The following DLC1 variants were observed in gnomAD, a reference collection of about 807,000 sequenced individuals.
DLC1 encodes the protein rho GTPase-activating protein 7.
DLC1 carries 54 observed loss-of-function variants against 140.3 expected under a neutral mutation model. That is an observed-to-expected ratio of 0.38 (90% CI 0.31 to 0.48). The LOEUF is 0.48. Among genes scored for constraint, DLC1 ranks in the 20% least tolerant of loss-of-function variants. The probability of loss-of-function intolerance (pLI) is 0.96; values close to 1 mark genes in which losing one functional copy is unlikely to be tolerated. For synonymous variants in DLC1, 986 were observed against 728.1 expected (o/e 1.35, Z -5.70); for missense variants, 2,536 against 1,907.0 (o/e 1.33, Z -6.14).
chr8:13,226,798 T>C (rs1195504608), intron 5 of DLC1, among the ~76,000 whole-genome samples: 1 of 152,172 alleles, frequency 6.6e-6, no homozygotes, highest in Non-Finnish European at 1.5e-5. Flanking sequence ...CAGAGTAGCT[T>C]TGGGAGCCTG....
intron 7 of DLC1, among the ~76,000 whole-genome samples, chr8:13,107,333 G>T (rs1819650791): frequency 6.6e-6 from 1 of 152,132 alleles, no homozygotes; most frequent in African/African-American, 2.4e-5. Flanking sequence ...AATGTCACAG[G>T]TACATGAACA....
chr8:13,268,528 G>A (rs1047957183), intron 5 of DLC1, among the ~76,000 whole-genome samples: 8 of 152,112 alleles, frequency 5.3e-5, no homozygotes, highest in Non-Finnish European at 8.8e-5. Context: ...GGGGCTACAG[G>A]TGCATGCCAC....
At position 13,582,878 on chromosome 8, in the gene DLC1, C is replaced by CCATATATATATATATATA. The variant is rs1461616416; in HGVS notation, c.-126+21658_-126+21659insTATATATATATATATATG. 1.8e-4 allele frequency among the ~76,000 whole-genome samples: 19 copies of CCATATATATATATATATA among 103,090 alleles called. 1 individual carries two copies. Among genetic ancestry groups the CCATATATATATATATATA allele is most frequent in the East Asian group, 3.4e-4 (1 of 2,964 alleles). 67.6% of individuals were successfully genotyped at this position (103,090 alleles called of 152,430 possible). On this transcript the variant is annotated intron_variant, in intron 1 of 1. Transcript: ENST00000631382. Reference sequence around the variant, plus strand: ...AGTTATGTTTACAATATACTGTGGTCTATATATATATATATATATATATAT... The same window carrying CCATATATATATATATATA: ...AGTTATGTTTACAATATACTGTGGTCCATATATATATATATATATATATATATATATATATATATATAT...
chr8:13,100,449 A>G lies in DLC1; in HGVS notation c.1888T>C (p.Leu630=), dbSNP rs1162166011. Residue 630 remains leucine (L), a synonymous_variant, in exon 9 of 18, where the codon TTG becomes CTG. Coordinates refer to ENST00000276297, the MANE Select transcript of DLC1 (RefSeq NM_182643.3). The part of the protein sequence containing the change: ...SVISVCSSSN[L]AGNDDSFGSL... Reference sequence around the variant, plus strand: ...CCGAAAGAGTCGTCATTGCCTGCCAAGTTGCTGGAGGAGCAAACGCTGATG... The same window carrying G: ...CCGAAAGAGTCGTCATTGCCTGCCAGGTTGCTGGAGGAGCAAACGCTGATG... 1 of 1,613,886 alleles carries G rather than the reference A, an allele frequency of 6.2e-7. No homozygotes were observed.
rs576513019 is a variant in DLC1, at chr8:13,268,967, C to T, written c.1348+36302G>A. Among the ~76,000 whole-genome samples, 6 of 151,080 alleles carry T rather than the reference C, an allele frequency of 4.0e-5. No homozygotes were observed. In the East Asian group the frequency reaches 5.9e-4, roughly 15 times the overall value. ...TCGGCTCACTGCAAGCTCCGCCTCC[C>T]GGGTTCACGCCATTCTCCTGCCTCA... is the stretch of plus-strand genomic sequence containing the variant. On this transcript the variant is annotated intron_variant, in intron 5 of 17. Coordinates refer to ENST00000276297, the MANE Select transcript of DLC1 (RefSeq NM_182643.3).
chr8:13,132,607 G>C (rs1422352582), intron 5 of DLC1, among the ~76,000 whole-genome samples: 1 of 152,136 alleles, frequency 6.6e-6, no homozygotes, highest in Non-Finnish European at 1.5e-5. Context: ...CCTCGAGCCA[G>C]AGCCGCGAGC....
intron 1 of DLC1, among the ~76,000 whole-genome samples, chr8:13,514,158 C>T (rs1477890404): frequency 6.6e-6 from 1 of 151,890 alleles, no homozygotes; most frequent in Non-Finnish European, 1.5e-5. Context: ...ACAAAATACT[C>T]TTTGGAGACT....
chr8:13,414,499 C>T (rs923292327), intron 2 of DLC1, among the ~76,000 whole-genome samples: 4 of 152,138 alleles, frequency 2.6e-5, no homozygotes, highest in Non-Finnish European at 1.5e-5. Flanking sequence ...TTGCAGTTTT[C>T]TTCTCATAGA....
chr8:13,088,694 C>T lies in DLC1; in HGVS notation c.4085G>A (p.Gly1362Glu). Residue 1362 changes from glycine to glutamate, a missense_variant, in exon 16 of 18, where the codon GGA (glycine) becomes GAA (glutamate). Gly to Glu is a moderately conservative substitution (Grantham distance 98). Transcript: ENST00000276297. ...TGACCTCCAAAGCCTCAGAGGGGGTCCTTCGCTCACCTGGAAAGAGGATGT... is the reference window on the plus strand; with the variant it reads ...TGACCTCCAAAGCCTCAGAGGGGGTTCTTCGCTCACCTGGAAAGAGGATGT... ...AELSYKKVSEGPPLRLWRSVI... is the reference protein window; with the variant it reads ...AELSYKKVSEEPPLRLWRSVI... The T allele has an allele frequency of 6.2e-7, 1 of 1,614,004 alleles. No individual in the cohort carries two copies. The highest frequency in any genetic ancestry group is 1.1e-5 in the South Asian group (1 of 91,062).
At chr8:13,244,007 T>TG (rs1554479758) in intron 5 of DLC1, among the ~76,000 whole-genome samples, 2 of 152,196 alleles carry the variant, frequency 1.3e-5, no homozygotes, top group Non-Finnish European at 2.9e-5. Context: ...ATTCCTCACC[T>TG]GGGGGAACCA....
At chr8:13,445,679 C>T (rs1798744574) in intron 2 of DLC1, among the ~76,000 whole-genome samples, 1 of 152,050 alleles carries the variant, frequency 6.6e-6, no homozygotes, top group South Asian at 2.1e-4. Context: ...TATAGGGAGG[C>T]CGAAGTTTTT....
At chr8:13,183,966 G>T (rs2116989522) in intron 5 of DLC1, among the ~76,000 whole-genome samples, 2 of 152,252 alleles carry the variant, frequency 1.3e-5, no homozygotes, top group Admixed American at 1.3e-4. Context: ...TGGAAAGTAG[G>T]CTATTAATTA....
intron 4 of DLC1, among the ~76,000 whole-genome samples, chr8:13,386,646 T>A (rs289525): frequency 1.3e-5 from 2 of 151,860 alleles, no homozygotes; most frequent in African/African-American, 4.8e-5. Context: ...GTGGAAATAT[T>A]TCTGTTTTTC....
At chr8:13,582,239 A>C (rs1343382667) in intron 1 of DLC1, among the ~76,000 whole-genome samples, 3 of 152,220 alleles carry the variant, frequency 2.0e-5, no homozygotes, top group Non-Finnish European at 2.9e-5. Context: ...AAAACAAAAC[A>C]AAATGAAACA....
chr8:13,591,921 G>A (rs1021609644), intron 1 of DLC1, among the ~76,000 whole-genome samples: 6 of 152,054 alleles, frequency 3.9e-5, no homozygotes, highest in African/African-American at 1.4e-4. Flanking sequence ...TGACCTTGTC[G>A]AGTTCAGTGT....
At chr8:13,185,465 G>A (rs1253813950) in intron 5 of DLC1, among the ~76,000 whole-genome samples, 1 of 151,614 alleles carries the variant, frequency 6.6e-6, no homozygotes, top group South Asian at 2.1e-4. Context: ...CCGCCACCAC[G>A]CCCGGCTAAT....
rs192219647 is a variant in DLC1, at chr8:13,386,927, T to C, written c.1314+6626A>G. 4.5e-4 allele frequency among the ~76,000 whole-genome samples: 69 copies of C among 152,196 alleles called. No homozygotes were observed. The East Asian group carries it at 9.8e-3, about 22-fold the overall frequency. On this transcript the variant is annotated intron_variant, in intron 4 of 17. Coordinates refer to ENST00000276297, the MANE Select transcript of DLC1 (RefSeq NM_182643.3). Reference sequence around the variant, plus strand: ...ATCTTTCTTTAAAAATCCACATACTTTAATGTGATTGCTTTGACATGGCAA... The same window carrying C: ...ATCTTTCTTTAAAAATCCACATACTCTAATGTGATTGCTTTGACATGGCAA...
chr8:13,583,327 C>T (rs1805181610), intron 1 of DLC1, among the ~76,000 whole-genome samples: 1 of 152,186 alleles, frequency 6.6e-6, no homozygotes, highest in South Asian at 2.1e-4. Flanking sequence ...ACAATTTTCA[C>T]AGCATCTTCA....
At chr8:13,371,989 T>C (rs1055981246) in intron 4 of DLC1, among the ~76,000 whole-genome samples, 2 of 152,172 alleles carry the variant, frequency 1.3e-5, no homozygotes, top group Admixed American at 6.5e-5. Flanking sequence ...TAATGGTACC[T>C]TCTCAAGAGC....
Sources: gnomAD v4.1 joint callset for allele counts (sites outside exome capture counted in the v4.1 genomes callset) on GRCh38, gnomAD v4.1.1 for gene constraint, MANE v1.5 for transcripts, NCBI Gene and HGNC (gene_info 2026-07-23, HGNC 2026-07-21) for gene names.